LAMA2: variants seen among roughly 807,000 people sequenced by gnomAD.
LAMA2 encodes laminin subunit alpha-2.
In LAMA2, 269 loss-of-function variants were observed where a neutral mutation model predicts 364.8. The observed-to-expected ratio is 0.74, with a 90% CI of 0.67 to 0.82. The LOEUF is 0.82. Ranked by LOEUF, LAMA2 falls within the 40% of genes least tolerant of loss-of-function variation. The pLI, the probability that LAMA2 is intolerant of heterozygous loss-of-function variation, is 0.00. For synonymous variants in LAMA2, 1,379 were observed against 1,370.6 expected (o/e 1.01, Z -0.14); for missense variants, 3,807 against 3,873.2 (o/e 0.98, Z 0.45).
At chr6:129,035,281 T>TTTTTCTTTTC (rs200142123) in intron 1 of LAMA2, among the ~76,000 whole-genome samples, 1 of 145,260 alleles carries the variant, frequency 6.9e-6, no homozygotes, top group Non-Finnish European at 1.5e-5. Context: ...CTTGTATGTC[T>TTTTTCTTTTC]TTTTCTTTTC....
At chr6:129,427,006 T>A (rs532883247) in intron 40 of LAMA2, among the ~76,000 whole-genome samples, 2 of 152,224 alleles carry the variant, frequency 1.3e-5, no homozygotes, top group Non-Finnish European at 2.9e-5. Context: ...TTGGTATATA[T>A]GAATTATGTA....
intron 3 of LAMA2, among the ~76,000 whole-genome samples, chr6:129,065,884 C>T (rs577002180): frequency 5.3e-5 from 8 of 151,786 alleles, no homozygotes; most frequent in African/African-American, 7.3e-5. Context: ...CAGGGGTTTC[C>T]GCTTTTGCAT....
At chr6:128,895,641 C>T (rs1776729196) in intron 1 of LAMA2, among the ~76,000 whole-genome samples, 1 of 152,126 alleles carries the variant, frequency 6.6e-6, no homozygotes, top group East Asian at 1.9e-4. Flanking sequence ...GAGCGAGACT[C>T]CGTGAACTCA....
At chr6:129,452,069 T>C (rs927199119) in intron 45 of LAMA2, among the ~76,000 whole-genome samples, 1 of 152,236 alleles carries the variant, frequency 6.6e-6, no homozygotes, top group Non-Finnish European at 1.5e-5. Context: ...CCCCTCTCTC[T>C]GCCTCCTTCT....
intron 1 of LAMA2, among the ~76,000 whole-genome samples, chr6:129,006,685 G>A (rs767130058): frequency 4.6e-5 from 7 of 152,074 alleles, no homozygotes; most frequent in Non-Finnish European, 1.0e-4. Flanking sequence ...CCTTTCATCT[G>A]TCATTCCTGC....
chr6:129,053,237 G>C (rs1159060087), intron 2 of LAMA2, among the ~76,000 whole-genome samples: 1 of 152,118 alleles, frequency 6.6e-6, no homozygotes, highest in African/African-American at 2.4e-5. Flanking sequence ...GGCTAATTTT[G>C]TATTTTTAGT....
chr6:129,240,366 A>G (rs974131858), intron 12 of LAMA2, among the ~76,000 whole-genome samples: 1 of 152,188 alleles, frequency 6.6e-6, no homozygotes, highest in Non-Finnish European at 1.5e-5. Flanking sequence ...AGTCAATATT[A>G]ATCACCACAT....
chr6:129,180,599 T>A (rs993794384), intron 10 of LAMA2, among the ~76,000 whole-genome samples: 1 of 152,158 alleles, frequency 6.6e-6, no homozygotes. Context: ...TGAGCCCATT[T>A]CAGTTGAGGC....
chr6:129,049,972 C>A lies in LAMA2; in HGVS notation c.167C>A (p.Ala56Glu), dbSNP rs1459792609. The stretch of plus-strand genomic sequence containing the variant: ...TCTAATGCTCTTATCACGACCAATG[C>A]AACATGTGGAGAAAAAGGACCTGAA... ...LASNALITTN[A>E]TCGEKGPEMY... The change falls in exon 2 of 65, where the codon GCA (alanine) becomes GAA (glutamate). Residue 56 changes from alanine to glutamate, a missense_variant. Transcript: ENST00000421865. 1 of 1,613,676 alleles carries A rather than the reference C, an allele frequency of 6.2e-7. No individual in the cohort carries two copies. The highest frequency in any genetic ancestry group is 8.5e-7 in the Non-Finnish European group (1 of 1,179,736).
intron 3 of LAMA2, among the ~76,000 whole-genome samples, chr6:129,071,209 G>A (rs1773283721): frequency 6.6e-6 from 1 of 152,170 alleles, no homozygotes; most frequent in Non-Finnish European, 1.5e-5. Flanking sequence ...ATATCGACAT[G>A]AGTTGTTAGT....
chr6:129,317,034 A>G (rs1774656166), intron 27 of LAMA2, among the ~76,000 whole-genome samples: 2 of 152,234 alleles, frequency 1.3e-5, no homozygotes, highest in South Asian at 4.1e-4. Flanking sequence ...TAATGAGGAA[A>G]ATATTGAAAT....
chr6:129,448,291 A>G (rs1349461395), intron 45 of LAMA2, among the ~76,000 whole-genome samples: 1 of 152,174 alleles, frequency 6.6e-6, no homozygotes, highest in East Asian at 1.9e-4. Context: ...CCCCCCCAAA[A>G]AAAAAGAGAA....
chr6:129,287,862 T>C lies in LAMA2; in HGVS notation c.2553T>C (p.Tyr851=). ...CTTGCCTTAGGTGTGCAGAAGGCTA[T>C]TTTGGACAACCCTCTGTACCTGGAG... The part of the protein sequence containing the change: ...GPRCERCAEG[Y]FGQPSVPGGS... The change falls in exon 19 of 65, where the codon TAT becomes TAC. Residue 851 remains tyrosine, a synonymous_variant. Transcript: ENST00000421865. 1 of 1,613,660 alleles carries C rather than the reference T, an allele frequency of 6.2e-7. No individual in the cohort carries two copies. The highest frequency in any genetic ancestry group is 1.3e-5 in the African/African-American group (1 of 74,996).
intron 1 of LAMA2, among the ~76,000 whole-genome samples, chr6:128,916,999 T>G (rs887568318): frequency 1.3e-5 from 2 of 152,236 alleles, no homozygotes. Context: ...CCCCCTGACA[T>G]TATCCTCACA....
chr6:129,272,001 C>T (rs892064820), intron 17 of LAMA2, among the ~76,000 whole-genome samples: 1 of 152,164 alleles, frequency 6.6e-6, no homozygotes, highest in Non-Finnish European at 1.5e-5. Flanking sequence ...TGTTAATCCA[C>T]ATGAAATGCT....
intron 4 of LAMA2, among the ~76,000 whole-genome samples, chr6:129,141,729 G>A (rs1001283991): frequency 1.3e-5 from 2 of 151,992 alleles, no homozygotes; most frequent in African/African-American, 4.8e-5. Context: ...TTACAAAGTG[G>A]ATGAAAATTC....
intron 3 of LAMA2, among the ~76,000 whole-genome samples, chr6:129,066,038 G>GTATGTCTTTTTTTTTTTTTTTTTTTTTT (rs59543848): frequency 1.1e-4 from 4 of 37,118 alleles, no homozygotes; most frequent in Non-Finnish European, 1.0e-4. Context: ...CCAGTCTCAG[G>GTATGTCTTTTTTTTTTTTTTTTTTTTTT]TTTTTTTTTT....
At chr6:129,489,396 TG>T (rs1784750175) in intron 56 of LAMA2, among the ~76,000 whole-genome samples, 1 of 152,168 alleles carries the variant, frequency 6.6e-6, no homozygotes, top group African/African-American at 2.4e-5. Flanking sequence ...TTAGTCACTT[TG>T]GTATCTAATT....
At chr6:129,474,200 GA>G (rs1287629018) in intron 52 of LAMA2, among the ~76,000 whole-genome samples, 1 of 152,102 alleles carries the variant, frequency 6.6e-6, no homozygotes, top group Non-Finnish European at 1.5e-5. Flanking sequence ...CAAAAAGACA[GA>G]TTATGTTTGG....
Sources: gnomAD v4.1 joint callset for allele counts (sites outside exome capture counted in the v4.1 genomes callset) on GRCh38, gnomAD v4.1.1 for gene constraint, MANE v1.5 for transcripts, NCBI Gene and HGNC (gene_info 2026-07-23, HGNC 2026-07-21) for gene names.